KIAA1217: variants seen among roughly 807,000 people sequenced by gnomAD.
KIAA1217 encodes the protein KIAA1217, also known as sickle tail protein homolog.
A neutral mutation model predicts 163.9 loss-of-function variants in KIAA1217; 88 were observed. The ratio of observed to expected loss-of-function variants is 0.54; its 90% CI spans 0.45 to 0.64. KIAA1217 has a LOEUF of 0.64. Ranked by LOEUF, KIAA1217 falls within the 30% of genes least tolerant of loss-of-function variation. KIAA1217 has a pLI of 0.00. For missense variants in KIAA1217, 2,372 were observed against 2,475.0 expected (o/e 0.96, Z 0.88); for synonymous variants, 903 against 923.1 (o/e 0.98, Z 0.39).
rs141102359 is a variant in KIAA1217 at position 23,848,955 on chromosome 10, C to T, written c.-321+153721C>T. 4.5e-4 allele frequency among the ~76,000 whole-genome samples: 68 copies of T among 152,202 alleles called. 1 individual carries two copies. In the East Asian group the frequency reaches 0.012, roughly 28 times the overall value. ...TGAGTTATTAACTTAATATATTCCTCTTTGACTAAATTATTAGCTCTAGTA... is the reference window on the plus strand; with the variant it reads ...TGAGTTATTAACTTAATATATTCCTTTTTGACTAAATTATTAGCTCTAGTA... On this transcript the variant is annotated intron_variant, in intron 1 of 18. Coordinates refer to the KIAA1217 transcript ENST00000376462.
intron 2 of KIAA1217, among the ~76,000 whole-genome samples, chr10:24,165,003 TTGGC>T (rs968736873): frequency 2.0e-5 from 3 of 152,196 alleles, no homozygotes; most frequent in African/African-American, 7.2e-5. Flanking sequence ...TGGTACCTCT[TTGGC>T]TGGGCAGATG....
At chr10:24,160,602 G>C (rs575799776) in intron 2 of KIAA1217, among the ~76,000 whole-genome samples, 3 of 152,018 alleles carry the variant, frequency 2.0e-5, no homozygotes, top group Middle Eastern at 3.4e-3. Context: ...TTCTGTTTTG[G>C]CTCCTATCTC....
At chr10:24,363,534 A>G (rs567335897) in intron 2 of KIAA1217, among the ~76,000 whole-genome samples, 20 of 149,786 alleles carry the variant, frequency 1.3e-4, no homozygotes, top group Admixed American at 9.4e-4. Context: ...TTTCTCAGTA[A>G]CATTCCTTTA....
At chr10:24,390,106 AT>A (rs999993934) in intron 3 of KIAA1217, among the ~76,000 whole-genome samples, 1 of 151,860 alleles carries the variant, frequency 6.6e-6, no homozygotes, top group Non-Finnish European at 1.5e-5. Context: ...TAATAAATCC[AT>A]TTTTTTTAAC....
At chr10:23,782,270 C>A (rs1482796622) in intron 1 of KIAA1217, among the ~76,000 whole-genome samples, 1 of 151,882 alleles carries the variant, frequency 6.6e-6, no homozygotes, top group Non-Finnish European at 1.5e-5. Flanking sequence ...GTGTATAGAT[C>A]TTTTATCTCC....
intron 3 of KIAA1217, among the ~76,000 whole-genome samples, chr10:24,414,689 A>T (rs2058082253): frequency 6.6e-6 from 1 of 152,178 alleles, no homozygotes; most frequent in East Asian, 1.9e-4. Context: ...CCATCGGAGG[A>T]TGGGCACCTT....
chr10:24,303,116 C>T (rs1458651812), intron 2 of KIAA1217, among the ~76,000 whole-genome samples: 5 of 152,112 alleles, frequency 3.3e-5, no homozygotes, highest in Admixed American at 6.6e-5. Context: ...TGGGCTCCAG[C>T]GATCCTCCCA....
chr10:24,370,036 C>A (rs56088629), intron 2 of KIAA1217, among the ~76,000 whole-genome samples: 16,256 of 152,112 alleles, frequency 0.11, 1,008 homozygotes, highest in South Asian at 0.29. Flanking sequence ...GAGGCCGAGG[C>A]AGGTAGATCA....
intron 2 of KIAA1217, among the ~76,000 whole-genome samples, chr10:24,270,499 A>C (rs1024210837): frequency 2.0e-5 from 3 of 152,234 alleles, no homozygotes; most frequent in African/African-American, 7.2e-5. Context: ...ATTAGCCAGC[A>C]TGAAAAATAA....
At position 24,041,886 on chromosome 10, in the gene KIAA1217, C is replaced by T. The variant is rs1423506654; in HGVS notation, c.-171+34512C>T. 2.0e-5 allele frequency among the ~76,000 whole-genome samples: 3 copies of T among 152,126 alleles called. No homozygotes were observed. In the East Asian group the frequency reaches 5.8e-4, roughly 29 times the overall value. On this transcript the variant is annotated intron_variant, in intron 2 of 18. Transcript: ENST00000376462. ...ACCTGAGTGGGTGGGATAATATTTA[C>T]ATTATTTTTCCCCTTCTAGGCTGTC...
intron 1 of KIAA1217, among the ~76,000 whole-genome samples, chr10:23,992,625 T>G (rs76901513): frequency 2.9e-5 from 4 of 137,078 alleles, no homozygotes; most frequent in Non-Finnish European, 3.1e-5. Flanking sequence ...TTTTTTTTTT[T>G]GGAAGCCCTC....
intron 6 of KIAA1217, among the ~76,000 whole-genome samples, chr10:24,475,715 A>G (rs892277391): frequency 6.6e-6 from 1 of 152,200 alleles, no homozygotes; most frequent in African/African-American, 2.4e-5. Flanking sequence ...CACTGCAGAC[A>G]GCTAAGGGGT....
chr10:24,041,890 AT>A (rs1421615115), intron 2 of KIAA1217, among the ~76,000 whole-genome samples: 1 of 151,450 alleles, frequency 6.6e-6, no homozygotes, highest in Non-Finnish European at 1.5e-5. Flanking sequence ...TATTTACATT[AT>A]TTTTCCCCTT....
chr10:24,323,753 A>G (rs1300220812), intron 2 of KIAA1217, among the ~76,000 whole-genome samples: 1 of 150,774 alleles, frequency 6.6e-6, no homozygotes, highest in African/African-American at 2.5e-5. Context: ...CCTAGATTCA[A>G]ATGGAATTTG....
intron 2 of KIAA1217, among the ~76,000 whole-genome samples, chr10:24,291,758 G>T (rs796677958): frequency 1.3e-5 from 2 of 151,376 alleles, no homozygotes; most frequent in African/African-American, 2.4e-5. Flanking sequence ...TTACTACTCC[G>T]ATGTGGAGAA....
Position 23,765,234 on chromosome 10 carries a change from G to A in KIAA1217, c.-321+70000G>A, listed in dbSNP as rs530408782. On this transcript the variant is annotated intron_variant, in intron 1 of 18. Transcript: ENST00000376462. Reference sequence around the variant, plus strand: ...TTTTGAGACGGAGTCTTGCTCTGTCGCCCAGGCTGGAGTGCAGTGGCGCGA... The same window carrying A: ...TTTTGAGACGGAGTCTTGCTCTGTCACCCAGGCTGGAGTGCAGTGGCGCGA... Among the ~76,000 whole-genome samples the A allele has an allele frequency of 3.6e-4, 41 of 112,390 alleles. 1 individual carries two copies. Among genetic ancestry groups the A allele is most frequent in the Admixed American group, 1.5e-3 (11 of 7,246 alleles). The allele number at this position is 112,390 out of a possible 152,430, so 73.7% of individuals were successfully genotyped here. A position where few individuals can be genotyped will look rare whatever the true frequency, so the allele number is the denominator to read the frequency against.
intron 2 of KIAA1217, among the ~76,000 whole-genome samples, chr10:24,365,816 T>C (rs912859063): frequency 1.3e-5 from 2 of 152,204 alleles, no homozygotes; most frequent in African/African-American, 2.4e-5. Flanking sequence ...CCATCTGTGT[T>C]CAAGTGTTCT....
chr10:24,517,472 G>T (rs2070375139), intron 10 of KIAA1217, among the ~76,000 whole-genome samples: 1 of 152,098 alleles, frequency 6.6e-6, no homozygotes, highest in Non-Finnish European at 1.5e-5. Flanking sequence ...CATCTATTAT[G>T]CGTCGATTTT....
At chr10:23,748,582 G>A (rs1400882530) in intron 1 of KIAA1217, among the ~76,000 whole-genome samples, 1 of 141,620 alleles carries the variant, frequency 7.1e-6, no homozygotes, top group Non-Finnish European at 1.5e-5. Context: ...ACGGAAGGAA[G>A]GGGGGAGGGA....
Sources: gnomAD v4.1 joint callset for allele counts (sites outside exome capture counted in the v4.1 genomes callset) on GRCh38, gnomAD v4.1.1 for gene constraint, MANE v1.5 for transcripts, NCBI Gene and HGNC (gene_info 2026-07-23, HGNC 2026-07-21) for gene names.